Variants in NAALAD2 observed in about 807,000 individuals in gnomAD.
NAALAD2 encodes N-acetylated alpha-linked acidic dipeptidase 2.
A neutral mutation model predicts 95.6 loss-of-function variants in NAALAD2; 89 were observed. The ratio of observed to expected loss-of-function variants is 0.93; its 90% CI spans 0.78 to 1.11. The LOEUF is 1.11. Ranked by LOEUF, NAALAD2 falls within the 50% of genes least tolerant of loss-of-function variation. The pLI, the probability that NAALAD2 is intolerant of heterozygous loss-of-function variation, is 0.00. For missense variants in NAALAD2, 894 were observed against 872.4 expected (o/e 1.02, Z -0.31); for synonymous variants, 264 against 294.4 (o/e 0.90, Z 1.06).
intron 13 of NAALAD2, among the ~76,000 whole-genome samples, chr11:90,173,112 TAG>T (rs1440744402): frequency 2.0e-5 from 3 of 152,122 alleles, no homozygotes; most frequent in African/African-American, 7.2e-5. Context: ...CTGCTCTTCT[TAG>T]AGTGTCAAAA....
intron 2 of NAALAD2, among the ~76,000 whole-genome samples, chr11:90,143,885 A>G (rs1259508206): frequency 6.6e-6 from 1 of 152,196 alleles, no homozygotes; most frequent in Admixed American, 6.5e-5. Context: ...TTTTCTACCC[A>G]TCTGTGCTGT....
At chr11:90,170,912 A>G (rs565524144) in intron 13 of NAALAD2, among the ~76,000 whole-genome samples, 3 of 152,336 alleles carry the variant, frequency 2.0e-5, no homozygotes, top group African/African-American at 7.2e-5. Flanking sequence ...GAAATGAGGC[A>G]TAACCAATGG....
chr11:90,182,066 C>A (rs774857441), intron 17 of NAALAD2, among the ~76,000 whole-genome samples: 4 of 152,084 alleles, frequency 2.6e-5, no homozygotes, highest in Non-Finnish European at 5.9e-5. Context: ...ATTCTGACTA[C>A]AGCTGTAAAT....
Position 90,136,308 on chromosome 11 carries a change from T to A in NAALAD2, c.194+638T>A, listed in dbSNP as rs1951453073. ...AAATCAGCTTTAGTGAAGTATAATT[T>A]ACATAAAATAAACTGCATCCCTATA... On this transcript the variant is annotated intron_variant, in intron 2 of 18. Transcript: ENST00000534061. Among the ~76,000 whole-genome samples the A allele has an allele frequency of 2.0e-5, 3 of 152,294 alleles. No individual in the cohort carries two copies. The South Asian group carries it at 6.2e-4, about 32-fold the overall frequency.
chr11:90,155,957 C>G (rs1193256601), intron 6 of NAALAD2, among the ~76,000 whole-genome samples: 1 of 145,650 alleles, frequency 6.9e-6, no homozygotes, highest in Non-Finnish European at 1.5e-5. Flanking sequence ...CTCAAGTGAG[C>G]CTTGGTAGTT....
At position 90,162,961 on chromosome 11, in the gene NAALAD2, G is replaced by A; in HGVS notation, c.1002G>A (p.Met334Ile). The A allele has an allele frequency of 6.5e-7, 1 of 1,530,956 alleles. No homozygotes were observed. Among genetic ancestry groups the A allele is most frequent in the Non-Finnish European group, 8.9e-7 (1 of 1,117,640 alleles). The allele number at this position is 1,530,956 out of a possible 1,614,324, so 94.8% of individuals were successfully genotyped here. A position where few individuals can be genotyped will look rare whatever the true frequency, so the allele number is the denominator to read the frequency against. The stretch of plus-strand genomic sequence containing the variant: ...TTTAAAATTCTAGGAAGGTTAGAAT[G>A]CATGTTTATAACATCAATAAAATTA... ...TGSDSFRKVR[M>I]HVYNINKITR... Residue 334 changes from methionine to isoleucine, a missense_variant, in exon 9 of 19, where the codon ATG (methionine) becomes ATA (isoleucine). Coordinates refer to ENST00000534061, the MANE Select transcript of NAALAD2 (RefSeq NM_005467.4).
rs1952976096 is a variant in NAALAD2 at position 90,181,708 on chromosome 11, T to G, written c.1940+7T>G. 6.6e-7 allele frequency: 1 copy of G among 1,525,078 alleles called. No individual in the cohort carries two copies. The highest frequency in any genetic ancestry group is 2.1e-5 in the Admixed American group (1 of 47,616). The allele number at this position is 1,525,078 out of a possible 1,614,324, so 94.5% of individuals were successfully genotyped here. A position where few individuals can be genotyped will look rare whatever the true frequency, so the allele number is the denominator to read the frequency against. ...TACAAGTTGATCTTAACAAGTAAGT[T>G]TCAAATCCCTTTTTTTTTAAAAAAA... On this transcript the variant is annotated splice_region_variant and intron_variant, in intron 17 of 18. Transcript: ENST00000534061.
intron 15 of NAALAD2, among the ~76,000 whole-genome samples, chr11:90,177,040 G>C (rs558602398): frequency 1.6e-4 from 25 of 152,214 alleles, no homozygotes; most frequent in African/African-American, 6.0e-4. Context: ...GAAGGAGAAG[G>C]ACTGATAAGG....
intron 6 of NAALAD2, among the ~76,000 whole-genome samples, chr11:90,153,399 T>C (rs1233056196): frequency 6.6e-6 from 1 of 152,184 alleles, no homozygotes; most frequent in Non-Finnish European, 1.5e-5. Flanking sequence ...ACTTTATATT[T>C]CAACAGCAAT....
chr11:90,147,585 T>A (rs989456713), intron 3 of NAALAD2, 69 bp downstream of exon 3: 1 of 1,372,176 alleles, frequency 7.3e-7, no homozygotes, highest in Non-Finnish European at 1.0e-6. Context: ...TAATGTAGGG[T>A]CAAGTAAAAG....
chr11:90,158,228 A>G lies in NAALAD2; in HGVS notation c.880A>G (p.Ile294Val). Residue 294 changes from isoleucine to valine, a missense_variant, in exon 7 of 19, where the codon ATA becomes GTA. By Grantham distance (29) the Ile-to-Val change is conservative (BLOSUM62 3). Transcript: ENST00000534061. ...TCCCATTGGATATAATGATGCAGAA[A>G]TATTATTACGGTATAGTTTTCTTGT... ...VHPIGYNDAE[I>V]LLRYLGGIAP... The G allele has an allele frequency of 1.2e-6, 2 of 1,604,754 alleles. No individual in the cohort carries two copies. The highest frequency in any genetic ancestry group is 2.2e-5 in the South Asian group (2 of 90,238).
intron 16 of NAALAD2, among the ~76,000 whole-genome samples, chr11:90,181,215 T>C (rs1952957767): frequency 6.6e-6 from 1 of 152,072 alleles, no homozygotes; most frequent in African/African-American, 2.4e-5. Flanking sequence ...TTAAATGCAC[T>C]ATTTGAAAAC....
At chr11:90,155,817 TATATATGTA>T (rs1265997100) in intron 6 of NAALAD2, among the ~76,000 whole-genome samples, 10 of 124,138 alleles carry the variant, frequency 8.1e-5, no homozygotes, top group East Asian at 2.2e-4. Flanking sequence ...TAATATATAA[TATATATGTA>T]ATATATGTAA....
At chr11:90,147,742 A>G (rs143911770) in intron 3 of NAALAD2, among the ~76,000 whole-genome samples, 6 of 152,298 alleles carry the variant, frequency 3.9e-5, no homozygotes, top group Non-Finnish European at 8.8e-5. Flanking sequence ...TCAAATTAGT[A>G]TGGTAAGTGC....
upstream of NAALAD2, chr11:90,134,606 A>G (rs1444621749): frequency 3.1e-6 from 2 of 643,688 alleles, no homozygotes; most frequent in Admixed American, 5.6e-5. Flanking sequence ...TGGGGACCAC[A>G]GGTCCCCAGC....
intron 6 of NAALAD2, among the ~76,000 whole-genome samples, chr11:90,155,351 AT>A (rs1356373309): frequency 4.3e-5 from 5 of 115,550 alleles, no homozygotes; most frequent in Non-Finnish European, 8.1e-5. Flanking sequence ...TATATTATAT[AT>A]TACATGTATA....
Position 90,135,549 on chromosome 11 carries a change from T to A in NAALAD2, c.83-10T>A. On this transcript the variant is annotated splice_polypyrimidine_tract_variant and intron_variant, in intron 1 of 18. Coordinates refer to ENST00000534061, the MANE Select transcript of NAALAD2 (RefSeq NM_005467.4). ...GTATGTGTGCATGTTTGTGTATTTT[T>A]TTTCCTTAGGCTGGTTTATTAAGCC... 6.3e-7 allele frequency: 1 copy of A among 1,593,974 alleles called. No individual in the cohort carries two copies. The highest frequency in any genetic ancestry group is 8.6e-7 in the Non-Finnish European group (1 of 1,167,354).
chr11:90,168,821 G>T, intron 11 of NAALAD2, 108 bp from the exon 12 acceptor site: 1 of 853,512 alleles, frequency 1.2e-6, no homozygotes, highest in Non-Finnish European at 1.9e-6. Context: ...CTATTTAATT[G>T]TGAAAGATAC....
chr11:90,162,773 A>G, intron 8 of NAALAD2, 176 bp from the exon 9 acceptor site: 1 of 412,452 alleles, frequency 2.4e-6, no homozygotes, highest in South Asian at 6.9e-5. Flanking sequence ...CTTACTTGCA[A>G]ATGCTTCAAC....
Sources: allele counts gnomAD v4.1 joint callset (sites outside exome capture counted in the v4.1 genomes callset), GRCh38; gene constraint gnomAD v4.1.1; transcripts MANE v1.5; gene names NCBI Gene and HGNC (gene_info 2026-07-23, HGNC 2026-07-21).